INPP5F: variants seen among roughly 807,000 people sequenced by gnomAD.
The protein encoded by INPP5F is phosphatidylinositide 4-phosphatase SAC2.
In INPP5F, 97 loss-of-function variants were observed where a neutral mutation model predicts 137.2. The observed-to-expected ratio is 0.71, with a 90% CI of 0.60 to 0.84. The LOEUF is 0.84. Ranked by LOEUF, INPP5F falls within the 40% of genes least tolerant of loss-of-function variation. The pLI, the probability that INPP5F is intolerant of heterozygous loss-of-function variation, is 0.00. For synonymous variants in INPP5F, 504 were observed against 476.9 expected (o/e 1.06, Z -0.74); for missense variants, 1,271 against 1,371.9 (o/e 0.93, Z 1.16).
intron 2 of INPP5F, among the ~76,000 whole-genome samples, chr10:119,758,402 C>A (rs1241108152): frequency 6.6e-6 from 1 of 152,160 alleles, no homozygotes; most frequent in Admixed American, 6.5e-5. Flanking sequence ...CGCAGCTGTG[C>A]AAAAGGCCCA....
chr10:119,808,544 A>T (rs1161998161), intron 13 of INPP5F, among the ~76,000 whole-genome samples: 2 of 152,220 alleles, frequency 1.3e-5, no homozygotes, highest in African/African-American at 2.4e-5. Context: ...AAAGACTGTT[A>T]TGGGATCATA....
Position 119,820,847 on chromosome 10 carries a change from C to A in INPP5F, c.1888C>A (p.Leu630Ile). 1 of 1,604,562 alleles carries A rather than the reference C, an allele frequency of 6.2e-7. No individual in the cohort carries two copies. The highest frequency in any genetic ancestry group is 8.5e-7 in the Non-Finnish European group (1 of 1,171,362). The change falls in exon 16 of 20, where the codon CTC (leucine) becomes ATC (isoleucine). Residue 630 changes from leucine (L) to isoleucine (I), a missense_variant and splice_region_variant. Leu to Ile is a conservative substitution (Grantham distance 5). Transcript: ENST00000650623. ...GWALIDCDPS[L>I]IDATHRDVDV... ...ATCTCCTGTGTCATATTTGTTTAGC[C>A]TCATTGATGCTACTCACAGAGACGT...
intron 2 of INPP5F, among the ~76,000 whole-genome samples, chr10:119,759,157 A>G (rs2134138184): frequency 6.6e-6 from 1 of 152,236 alleles, no homozygotes; most frequent in East Asian, 1.9e-4. Flanking sequence ...GCCTGTGTAT[A>G]TACAGGCACG....
chr10:119,788,964 G>A (rs1394088905), intron 3 of INPP5F, among the ~76,000 whole-genome samples: 2 of 152,160 alleles, frequency 1.3e-5, no homozygotes, highest in Admixed American at 6.5e-5. Flanking sequence ...AGTGGCTCAC[G>A]CCTATAATCC....
At chr10:119,781,954 T>C (rs537679098) in intron 3 of INPP5F, among the ~76,000 whole-genome samples, 183 bp downstream of exon 3, 1 of 152,310 alleles carries the variant, frequency 6.6e-6, no homozygotes, top group African/African-American at 2.4e-5. Flanking sequence ...TGAAATCTAG[T>C]GTAGAAGACA....
At chr10:119,765,036 G>A (rs190722703) in intron 2 of INPP5F, among the ~76,000 whole-genome samples, 18 of 152,190 alleles carry the variant, frequency 1.2e-4, no homozygotes, top group African/African-American at 2.6e-4. Context: ...GGATTCAAGC[G>A]ATTCTCCTGC....
intron 1 of INPP5F, among the ~76,000 whole-genome samples, chr10:119,733,239 C>G (rs1027136218): frequency 1.3e-5 from 2 of 152,138 alleles, no homozygotes; most frequent in Non-Finnish European, 2.9e-5. Flanking sequence ...AGTGTGATAA[C>G]TAGTTTGTTT....
intron 2 of INPP5F, among the ~76,000 whole-genome samples, chr10:119,766,512 C>G (rs938033801): frequency 3.9e-5 from 6 of 152,076 alleles, no homozygotes; most frequent in African/African-American, 1.4e-4. Flanking sequence ...GCCACAGATT[C>G]AAGAAGTACT....
At chr10:119,811,198 G>A (rs1234917803) in intron 14 of INPP5F, among the ~76,000 whole-genome samples, 1 of 152,230 alleles carries the variant, frequency 6.6e-6, no homozygotes, top group African/African-American at 2.4e-5. Context: ...TCAAGGTTGA[G>A]AGATAGAAGC....
At chr10:119,734,475 C>CT (rs1247424616) in intron 1 of INPP5F, among the ~76,000 whole-genome samples, 1 of 152,092 alleles carries the variant, frequency 6.6e-6, no homozygotes, top group African/African-American at 2.4e-5. Context: ...GCTGTACTTC[C>CT]TTTTTCATTC....
intron 18 of INPP5F, 37 bp downstream of exon 18, chr10:119,823,236 C>T: frequency 6.3e-7 from 1 of 1,598,114 alleles, no homozygotes; most frequent in Non-Finnish European, 8.5e-7. Flanking sequence ...TCAGTGAAAA[C>T]TTTCTATTTA....
intron 3 of INPP5F, among the ~76,000 whole-genome samples, chr10:119,786,689 T>C (rs867609383): frequency 1.3e-4 from 20 of 152,224 alleles, no homozygotes; most frequent in African/African-American, 3.9e-4. Flanking sequence ...TTTTTTTTTT[T>C]TCTATTTTTT....
At chr10:119,794,441 C>A (rs1483122950) in intron 6 of INPP5F, among the ~76,000 whole-genome samples, 1 of 152,092 alleles carries the variant, frequency 6.6e-6, no homozygotes, top group Non-Finnish European at 1.5e-5. Context: ...ACACGGCAAC[C>A]ATCCGATTTC....
At chr10:119,741,643 T>C (rs536228148) in intron 1 of INPP5F, among the ~76,000 whole-genome samples, 1 of 152,246 alleles carries the variant, frequency 6.6e-6, no homozygotes, top group African/African-American at 2.4e-5. Context: ...CAAGCCGTTC[T>C]CTTGCCTCAG....
chr10:119,808,871 T>C (rs2134251169), intron 13 of INPP5F, among the ~76,000 whole-genome samples: 1 of 152,320 alleles, frequency 6.6e-6, no homozygotes, highest in Admixed American at 6.5e-5. Flanking sequence ...CAGTCCTTCT[T>C]TTGCATTGAG....
At chr10:119,805,923 C>T (rs2134243560) in intron 11 of INPP5F, among the ~76,000 whole-genome samples, 1 of 152,246 alleles carries the variant, frequency 6.6e-6, no homozygotes, top group East Asian at 1.9e-4. Flanking sequence ...ACACGGGTGG[C>T]CAGAGAAATT....
chr10:119,774,492 T>C (rs931197482), intron 2 of INPP5F, among the ~76,000 whole-genome samples: 4 of 150,148 alleles, frequency 2.7e-5, no homozygotes, highest in African/African-American at 7.3e-5. Context: ...GTTTGTTCGT[T>C]TTGTTTTTTT....
At chr10:119,809,258 A>G (rs1264277665) in intron 13 of INPP5F, among the ~76,000 whole-genome samples, 1 of 151,156 alleles carries the variant, frequency 6.6e-6, no homozygotes, top group African/African-American at 2.4e-5. Context: ...GCCTGGTTCA[A>G]GTTAGTGATT....
intron 2 of INPP5F, among the ~76,000 whole-genome samples, chr10:119,772,878 T>C (rs1849408623): frequency 6.6e-6 from 1 of 151,840 alleles, no homozygotes; most frequent in East Asian, 1.9e-4. Flanking sequence ...GCCTCCTGAG[T>C]AGCTGGGATT....
Sources: gnomAD v4.1 joint callset for allele counts (sites outside exome capture counted in the v4.1 genomes callset) on GRCh38, gnomAD v4.1.1 for gene constraint, MANE v1.5 for transcripts, NCBI Gene and HGNC (gene_info 2026-07-23, HGNC 2026-07-21) for gene names.